The following KHDRBS2 variants were observed in gnomAD, a reference collection of about 807,000 sequenced individuals.
The protein encoded by KHDRBS2 is KH domain-containing, RNA-binding, signal transduction-associated protein 2.
Under a neutral mutation model 44.3 loss-of-function variants are expected in KHDRBS2, and 26 were observed. The observed-to-expected ratio is 0.59, with a 90% CI of 0.43 to 0.81. The LOEUF (loss-of-function observed/expected upper bound fraction) is 0.81. Ranked by LOEUF, KHDRBS2 falls within the 40% of genes least tolerant of loss-of-function variation. The probability of loss-of-function intolerance (pLI) is 0.00; values close to 1 mark genes in which losing one functional copy is unlikely to be tolerated. For missense variants in KHDRBS2, 476 were observed against 433.1 expected, an observed-to-expected ratio of 1.10 and a Z score of -0.88; for synonymous variants, 194 against 151.1, an observed-to-expected ratio of 1.28 and a Z score of -2.08.
intron 7 of KHDRBS2, among the ~76,000 whole-genome samples, chr6:61,711,025 G>T (rs1415329369): frequency 6.6e-6 from 1 of 150,410 alleles, no homozygotes; most frequent in Non-Finnish European, 1.5e-5. Context: ...TATAGTAACT[G>T]TGAATTAATC....
the KHDRBS2 span, among the ~76,000 whole-genome samples, chr6:61,643,303 G>A: frequency 6.6e-6 from 1 of 152,142 alleles, no homozygotes; most frequent in Admixed American, 6.5e-5. Flanking sequence ...GGTATTGAAT[G>A]AATATGCCTC....
chr6:61,602,934 C>A, the KHDRBS2 span, among the ~76,000 whole-genome samples: 2 of 152,120 alleles, frequency 1.3e-5, no homozygotes, highest in Non-Finnish European at 1.5e-5. Context: ...GTCATTGCCA[C>A]CTTTCCCCCC....
At chr6:61,956,443 G>A (rs180711028) in intron 4 of KHDRBS2, among the ~76,000 whole-genome samples, 43 of 152,264 alleles carry the variant, frequency 2.8e-4, no homozygotes, top group African/African-American at 9.9e-4. Context: ...AGACACAGTT[G>A]TAGTGCTTCA....
rs1035039914 is a variant in KHDRBS2, at chr6:61,954,374, T to A, written c.483+23692A>T. ...ATATGTATGCATACATATATACGTA[T>A]GTATGCATGCATACATATATACGTA... On this transcript the variant is annotated intron_variant, in intron 4 of 8. Transcript: ENST00000281156. 7.1e-5 allele frequency among the ~76,000 whole-genome samples: 4 copies of A among 56,254 alleles called. 1 individual carries two copies. Among genetic ancestry groups the A allele is most frequent in the Non-Finnish European group, 1.0e-4 (2 of 19,282 alleles). 36.9% of individuals were successfully genotyped at this position (56,254 alleles called of 152,430 possible).
At chr6:61,618,606 G>A in the KHDRBS2 span, among the ~76,000 whole-genome samples, 1 of 152,000 alleles carries the variant, frequency 6.6e-6, no homozygotes, top group Admixed American at 6.6e-5. Context: ...TATTTTTCTT[G>A]TTCCTCTCCC....
rs9363970 is a variant in KHDRBS2 at position 62,207,953 on chromosome 6, T to A, written c.92-30641A>T. On this transcript the variant is annotated intron_variant, in intron 1 of 8. Transcript: ENST00000281156. ...TTGACAAAAATCTCTAATACAATTTTATTAGCCTTTTGTTGTACATTAGAT... is the reference window on the plus strand; with the variant it reads ...TTGACAAAAATCTCTAATACAATTTAATTAGCCTTTTGTTGTACATTAGAT... 4.2e-4 allele frequency among the ~76,000 whole-genome samples: 64 copies of A among 152,264 alleles called. 1 individual carries two copies. The East Asian group carries it at 0.011, about 27-fold the overall frequency.
intron 6 of KHDRBS2, among the ~76,000 whole-genome samples, chr6:61,852,334 G>A (rs1173424782): frequency 6.6e-6 from 1 of 151,976 alleles, no homozygotes; most frequent in Non-Finnish European, 1.5e-5. Context: ...GGGAAGCCAA[G>A]GCGGGCAGAT....
the KHDRBS2 span, among the ~76,000 whole-genome samples, chr6:61,586,005 A>T: frequency 6.6e-6 from 1 of 152,176 alleles, no homozygotes; most frequent in African/African-American, 2.4e-5. Context: ...ATGAAGGGGA[A>T]GTTTGTTGAT....
At chr6:61,928,963 A>C (rs1458806677) in intron 4 of KHDRBS2, among the ~76,000 whole-genome samples, 1 of 152,048 alleles carries the variant, frequency 6.6e-6, no homozygotes, top group East Asian at 1.9e-4. Flanking sequence ...TTTGGTAGTG[A>C]AATTTGAAAG....
the KHDRBS2 span, among the ~76,000 whole-genome samples, chr6:61,602,405 G>T: frequency 2.0e-5 from 3 of 152,070 alleles, no homozygotes; most frequent in Non-Finnish European, 4.4e-5. Context: ...CTGGGCCAAG[G>T]AATGCCTGTA....
the KHDRBS2 span, among the ~76,000 whole-genome samples, chr6:61,616,282 A>G: frequency 6.6e-6 from 1 of 152,064 alleles, no homozygotes; most frequent in African/African-American, 2.4e-5. Flanking sequence ...GGCTTTCTGG[A>G]AGACTAGGGC....
chr6:61,632,369 T>TATA, the KHDRBS2 span, among the ~76,000 whole-genome samples: 2 of 152,132 alleles, frequency 1.3e-5, no homozygotes, highest in Non-Finnish European at 2.9e-5. Flanking sequence ...AAGGAGACTT[T>TATA]ATACTTCATG....
intron 2 of KHDRBS2, among the ~76,000 whole-genome samples, chr6:62,063,870 T>G (rs1176961979): frequency 9.1e-4 from 124 of 135,730 alleles, no homozygotes; most frequent in Non-Finnish European, 1.7e-3. Flanking sequence ...TGATTGTATA[T>G]CTAGAAAACC....
At chr6:61,827,750 A>G (rs1583041491) in intron 6 of KHDRBS2, among the ~76,000 whole-genome samples, 1 of 152,218 alleles carries the variant, frequency 6.6e-6, no homozygotes, top group South Asian at 2.1e-4. Context: ...CCCTCTTGCC[A>G]TGTTCTCACA....
chr6:61,584,637 T>C, the KHDRBS2 span, among the ~76,000 whole-genome samples: 1 of 151,828 alleles, frequency 6.6e-6, no homozygotes, highest in Non-Finnish European at 1.5e-5. Flanking sequence ...ATTAAAAGGA[T>C]GACTTAACAA....
chr6:61,840,281 C>G (rs1793395475), intron 6 of KHDRBS2, among the ~76,000 whole-genome samples: 1 of 152,012 alleles, frequency 6.6e-6, no homozygotes, highest in Admixed American at 6.6e-5. Flanking sequence ...ATAACTTTTG[C>G]ATCACAAAGC....
chr6:61,917,236 T>C (rs574885641), intron 4 of KHDRBS2, among the ~76,000 whole-genome samples: 1 of 151,870 alleles, frequency 6.6e-6, no homozygotes. Flanking sequence ...ACTGTGTGCA[T>C]CTAGAAAATG....
intron 4 of KHDRBS2, among the ~76,000 whole-genome samples, chr6:61,955,256 AT>A (rs1333683486): frequency 1.4e-5 from 2 of 146,074 alleles, no homozygotes; most frequent in East Asian, 4.2e-4. Context: ...ATACATATAT[AT>A]GTATACATAT....
the KHDRBS2 span, among the ~76,000 whole-genome samples, chr6:61,583,546 A>C: frequency 1.3e-5 from 2 of 151,660 alleles, no homozygotes; most frequent in Non-Finnish European, 3.0e-5. Context: ...TGTAAGTCTA[A>C]TTTTCACTCT....
Sources: gnomAD v4.1 joint callset for allele counts (sites outside exome capture counted in the v4.1 genomes callset) on GRCh38, gnomAD v4.1.1 for gene constraint, MANE v1.5 for transcripts, NCBI Gene and HGNC (gene_info 2026-07-23, HGNC 2026-07-21) for gene names.